The following MSRA variants were observed in gnomAD, a reference collection of about 807,000 sequenced individuals.
MSRA encodes mitochondrial peptide methionine sulfoxide reductase.
MSRA carries 54 observed loss-of-function variants against 31.3 expected under a neutral mutation model. The ratio of observed to expected loss-of-function variants is 1.73; its 90% CI spans 1.39 to 2.17. The LOEUF (loss-of-function observed/expected upper bound fraction) is 2.17. Ranked by LOEUF, MSRA falls within the 30% of genes most tolerant of loss-of-function variation. MSRA has a pLI of 0.00. For missense variants in MSRA, 507 were observed against 300.9 expected (o/e 1.69, Z -5.07); for synonymous variants, 169 against 116.5 (o/e 1.45, Z -2.90).
chr8:10,172,590 T>C (rs1395328694), intron 1 of MSRA, among the ~76,000 whole-genome samples: 3 of 152,148 alleles, frequency 2.0e-5, no homozygotes, highest in Non-Finnish European at 4.4e-5. Flanking sequence ...AAATAAAAGA[T>C]AGACTTAGAA....
At chr8:10,378,630 C>G (rs796288194) in intron 5 of MSRA, among the ~76,000 whole-genome samples, 19 of 152,300 alleles carry the variant, frequency 1.2e-4, no homozygotes, top group African/African-American at 4.6e-4. Flanking sequence ...CCCTCAGCAG[C>G]TCCGCGTCCC....
chr8:10,161,037 T>G (rs1804594029), intron 1 of MSRA, among the ~76,000 whole-genome samples: 1 of 152,174 alleles, frequency 6.6e-6, no homozygotes, highest in Non-Finnish European at 1.5e-5. Context: ...GAGCCTCCCC[T>G]CCTCTTTTTA....
chr8:10,283,444 AT>A (rs1299492610), intron 3 of MSRA, among the ~76,000 whole-genome samples: 1 of 151,758 alleles, frequency 6.6e-6, no homozygotes, highest in Non-Finnish European at 1.5e-5. Flanking sequence ...TTTTAAAAAA[AT>A]TTTTATTTCC....
At chr8:10,405,972 G>T (rs956349730) in intron 5 of MSRA, among the ~76,000 whole-genome samples, 1 of 152,284 alleles carries the variant, frequency 6.6e-6, no homozygotes, top group African/African-American at 2.4e-5. Flanking sequence ...ACGAGGGGCA[G>T]AGGAGACTGA....
intron 4 of MSRA, among the ~76,000 whole-genome samples, chr8:10,316,723 T>G (rs1801748062): frequency 6.6e-6 from 1 of 152,140 alleles, no homozygotes; most frequent in South Asian, 2.1e-4. Flanking sequence ...GTGAGATGGT[T>G]ATATTCATAG....
intron 5 of MSRA, among the ~76,000 whole-genome samples, chr8:10,361,928 A>G (rs1804870553): frequency 2.0e-5 from 3 of 151,662 alleles, no homozygotes; most frequent in African/African-American, 4.8e-5. Context: ...CTTCCCCCTC[A>G]TTTCCTGGAA....
At chr8:10,185,835 G>A (rs1349592231) in intron 1 of MSRA, among the ~76,000 whole-genome samples, 2 of 152,130 alleles carry the variant, frequency 1.3e-5, no homozygotes, top group South Asian at 2.1e-4. Flanking sequence ...AAGTGCTTTC[G>A]TGTGAATCAC....
intron 1 of MSRA, among the ~76,000 whole-genome samples, chr8:10,183,342 C>G (rs146176792): frequency 6.6e-6 from 1 of 152,170 alleles, no homozygotes; most frequent in African/African-American, 2.4e-5. Flanking sequence ...CTGGTACTTA[C>G]GGCCTCTGTT....
chr8:10,357,273 G>T (rs2954814), intron 5 of MSRA, among the ~76,000 whole-genome samples: 1 of 152,158 alleles, frequency 6.6e-6, no homozygotes, highest in Non-Finnish European at 1.5e-5. Context: ...AATTTTCTAA[G>T]AAGGAGCTTC....
intron 1 of MSRA, among the ~76,000 whole-genome samples, chr8:10,077,479 C>CTTT (rs10714477): frequency 2.6e-4 from 26 of 101,248 alleles, no homozygotes; most frequent in African/African-American, 5.1e-4. Flanking sequence ...CTACCTTCTC[C>CTTT]TTTTTTTTTT....
Position 10,426,637 on chromosome 8 carries a change from G to T in MSRA, c.544-1511G>T, listed in dbSNP as rs576325664. Among the ~76,000 whole-genome samples the T allele has an allele frequency of 3.3e-5, 5 of 152,376 alleles. No homozygotes were observed. In the East Asian group the frequency reaches 9.7e-4, roughly 29 times the overall value. On this transcript the variant is annotated intron_variant, in intron 5 of 5. Transcript: ENST00000317173. ...CAGCAGAATCTGGGGAATGCAGTCTGCGAGCTTTCCGCCTGTGCGGTACGA... is the reference window on the plus strand; with the variant it reads ...CAGCAGAATCTGGGGAATGCAGTCTTCGAGCTTTCCGCCTGTGCGGTACGA...
chr8:10,201,938 C>T (rs1808537851), intron 1 of MSRA, among the ~76,000 whole-genome samples: 1 of 152,246 alleles, frequency 6.6e-6, no homozygotes, highest in African/African-American at 2.4e-5. Context: ...GGGGCTGGGG[C>T]ATGTGCCCAA....
At chr8:10,270,420 A>C (rs1798969214) in intron 3 of MSRA, among the ~76,000 whole-genome samples, 1 of 152,164 alleles carries the variant, frequency 6.6e-6, no homozygotes, top group South Asian at 2.1e-4. Context: ...AAAAAAAAAA[A>C]AAACTATCCT....
At chr8:10,148,681 C>T (rs956207518) in intron 1 of MSRA, among the ~76,000 whole-genome samples, 1 of 149,288 alleles carries the variant, frequency 6.7e-6, no homozygotes, top group African/African-American at 2.5e-5. Context: ...TTATATTTAA[C>T]AAGTAATCAT....
chr8:10,349,001 C>G (rs1462605209), intron 5 of MSRA, among the ~76,000 whole-genome samples: 2 of 152,148 alleles, frequency 1.3e-5, no homozygotes, highest in Non-Finnish European at 2.9e-5. Context: ...ACATTCAGAG[C>G]ATGCCAGCCC....
intron 1 of MSRA, among the ~76,000 whole-genome samples, chr8:10,138,393 G>A (rs1802450294): frequency 6.6e-6 from 1 of 152,176 alleles, no homozygotes. Flanking sequence ...GAGGCCCAAG[G>A]CAGGGCAGAA....
chr8:10,081,032 G>A (rs117087797), intron 1 of MSRA, among the ~76,000 whole-genome samples: 2,030 of 152,332 alleles, frequency 0.013, 17 homozygotes, highest in Non-Finnish European at 0.023. Context: ...AGATGCCTGG[G>A]CAGGATGTCA....
intron 2 of MSRA, among the ~76,000 whole-genome samples, chr8:10,212,170 G>T (rs1442591467): frequency 6.6e-6 from 1 of 151,478 alleles, no homozygotes; most frequent in Non-Finnish European, 1.5e-5. Flanking sequence ...CTAGGTAACA[G>T]AGCGAGACTC....
chr8:10,117,960 A>G (rs1800807206), intron 1 of MSRA, among the ~76,000 whole-genome samples: 1 of 152,192 alleles, frequency 6.6e-6, no homozygotes, highest in Non-Finnish European at 1.5e-5. Context: ...GAACATAAAC[A>G]AAAACATAAG....
Sources: gnomAD v4.1 joint callset for allele counts (sites outside exome capture counted in the v4.1 genomes callset) on GRCh38, gnomAD v4.1.1 for gene constraint, MANE v1.5 for transcripts, NCBI Gene and HGNC (gene_info 2026-07-23, HGNC 2026-07-21) for gene names.